Variants in ANK3 observed in about 807,000 individuals in gnomAD.
The protein encoded by ANK3 is ankyrin 3, also known as ankyrin-3.
ANK3 carries 57 observed loss-of-function variants against 370.9 expected under a neutral mutation model. That is an observed-to-expected ratio of 0.15 (90% CI 0.12 to 0.19). The LOEUF (loss-of-function observed/expected upper bound fraction) is 0.19, where lower values mean the gene tolerates loss of function less well. ANK3 is among the 10% of genes least tolerant of loss of function. ANK3 has a pLI of 1.00. For missense variants in ANK3, 4,439 were observed against 5,302.1 expected (o/e 0.84, Z 5.06); for synonymous variants, 1,929 against 1,946.3 (o/e 0.99, Z 0.23).
At chr10:60,513,760 T>C (rs2076147442) in intron 2 of ANK3, among the ~76,000 whole-genome samples, 1 of 152,166 alleles carries the variant, frequency 6.6e-6, no homozygotes, top group Non-Finnish European at 1.5e-5. Context: ...TTAACAGACA[T>C]TCTTATGCAT....
intron 18 of ANK3, among the ~76,000 whole-genome samples, chr10:60,179,387 C>A (rs10821694): frequency 6.6e-6 from 1 of 152,044 alleles, no homozygotes; most frequent in Non-Finnish European, 1.5e-5. Context: ...TGCCAGATAT[C>A]ATACGGGGTA....
At position 60,565,081 on chromosome 10, in the gene ANK3, T is replaced by C. The variant is rs559360559; in HGVS notation, c.96+50105A>G. Among the ~76,000 whole-genome samples the C allele has an allele frequency of 2.0e-5, 3 of 152,172 alleles. No individual in the cohort carries two copies. The East Asian group carries it at 5.8e-4, about 29-fold the overall frequency. On this transcript the variant is annotated intron_variant, in intron 2 of 43. Transcript: ENST00000373827. Reference sequence around the variant, plus strand: ...GGCCATGGTCCAATGGAACATATAGTCCTACGAGATAAATGATGGTACAAA... The same window carrying C: ...GGCCATGGTCCAATGGAACATATAGCCCTACGAGATAAATGATGGTACAAA...
intron 2 of ANK3, among the ~76,000 whole-genome samples, chr10:60,482,701 G>C (rs901079148): frequency 1.3e-5 from 2 of 152,072 alleles, no homozygotes; most frequent in African/African-American, 4.8e-5. Context: ...TACCCAGACT[G>C]GTCTTGAACT....
chr10:60,435,403 T>C (rs895845766), intron 2 of ANK3, among the ~76,000 whole-genome samples: 2 of 152,326 alleles, frequency 1.3e-5, no homozygotes, highest in African/African-American at 4.8e-5. Flanking sequence ...CAGCACATTT[T>C]CTTTTCTTAG....
intron 25 of ANK3, among the ~76,000 whole-genome samples, chr10:60,130,302 G>T (rs2093992143): frequency 6.6e-6 from 1 of 152,120 alleles, no homozygotes; most frequent in Admixed American, 6.5e-5. Context: ...ATCACCCTGG[G>T]TCTCAACTAC....
At chr10:60,111,356 C>T (rs2092695124) in intron 26 of ANK3, among the ~76,000 whole-genome samples, 1 of 152,106 alleles carries the variant, frequency 6.6e-6, no homozygotes, top group Non-Finnish European at 1.5e-5. Context: ...TTCTCAACTT[C>T]ATAGAGTCAA....
intron 8 of ANK3, among the ~76,000 whole-genome samples, chr10:60,215,100 C>G (rs572525335): frequency 2.0e-5 from 3 of 152,254 alleles, no homozygotes; most frequent in Admixed American, 6.5e-5. Flanking sequence ...ATTTGCATTT[C>G]TCTGATGATC....
intron 7 of ANK3, among the ~76,000 whole-genome samples, chr10:60,240,306 A>ATATATATATATATTTT (rs11282162): frequency 6.7e-5 from 8 of 119,770 alleles, no homozygotes; most frequent in Admixed American, 1.8e-4. Context: ...ATATATATAT[A>ATATATATATATATTTT]TTTTTTTTTC....
intron 8 of ANK3, among the ~76,000 whole-genome samples, chr10:60,223,893 C>T (rs1039541375): frequency 2.7e-4 from 40 of 150,634 alleles, no homozygotes; most frequent in Admixed American, 5.9e-4. Context: ...CTGTGCTTTG[C>T]AATGTAGCAG....
intron 2 of ANK3, among the ~76,000 whole-genome samples, chr10:60,429,744 C>G (rs2063971721): frequency 6.6e-6 from 1 of 152,196 alleles, no homozygotes; most frequent in Admixed American, 6.5e-5. Context: ...GTCCTACTTT[C>G]ATCACACGAG....
intron 2 of ANK3, among the ~76,000 whole-genome samples, chr10:60,415,910 A>T (rs2063652034): frequency 9.5e-6 from 1 of 105,384 alleles, no homozygotes; most frequent in Non-Finnish European, 2.0e-5. Flanking sequence ...TATGGTCTGA[A>T]TTTGTGCCCC....
At chr10:60,591,677 T>G (rs1341108003) in intron 2 of ANK3, among the ~76,000 whole-genome samples, 1 of 152,150 alleles carries the variant, frequency 6.6e-6, no homozygotes, top group Non-Finnish European at 1.5e-5. Flanking sequence ...GCAACCTAAG[T>G]ATCCATCAAC....
intron 1 of ANK3, among the ~76,000 whole-genome samples, chr10:60,315,023 C>A (rs910080017): frequency 6.6e-6 from 1 of 152,188 alleles, no homozygotes; most frequent in Non-Finnish European, 1.5e-5. Flanking sequence ...TGATATCTTT[C>A]ACTTTCTCAT....
intron 2 of ANK3, among the ~76,000 whole-genome samples, chr10:60,526,768 T>C (rs1322258256): frequency 6.6e-6 from 1 of 152,042 alleles, no homozygotes; most frequent in Middle Eastern, 3.2e-3. Flanking sequence ...AATAAAAAAA[T>C]GTAGGTTGAT....
At chr10:60,656,761 C>CT (rs1298893015) in intron 1 of ANK3, among the ~76,000 whole-genome samples, 5 of 149,536 alleles carry the variant, frequency 3.3e-5, no homozygotes, top group African/African-American at 7.3e-5. Context: ...TATCTAATTT[C>CT]TTTTTTTTTT....
chr10:60,445,425 A>G (rs745710879), intron 2 of ANK3, among the ~76,000 whole-genome samples: 21 of 152,112 alleles, frequency 1.4e-4, no homozygotes, highest in Admixed American at 2.6e-4. Context: ...ACAAACAAAC[A>G]AAAGCTCTTA....
intron 2 of ANK3, among the ~76,000 whole-genome samples, chr10:60,598,213 C>T (rs924184635): frequency 3.9e-5 from 6 of 152,296 alleles, no homozygotes; most frequent in Admixed American, 6.5e-5. Context: ...TGCAGTTACA[C>T]CTGCCCTAAT....
intron 23 of ANK3, among the ~76,000 whole-genome samples, chr10:60,160,695 T>C (rs1162586838): frequency 6.6e-6 from 1 of 152,062 alleles, no homozygotes; most frequent in East Asian, 1.9e-4. Flanking sequence ...AGAAAGATCA[T>C]TCAACATGAT....
intron 5 of ANK3, among the ~76,000 whole-genome samples, chr10:60,267,222 CA>C (rs1468836779): frequency 1.3e-5 from 2 of 152,086 alleles, no homozygotes; most frequent in Admixed American, 1.3e-4. Context: ...TCTGTAAATA[CA>C]GACTTCTCTA....
Sources: allele counts gnomAD v4.1 joint callset (sites outside exome capture counted in the v4.1 genomes callset), GRCh38; gene constraint gnomAD v4.1.1; transcripts MANE v1.5; gene names NCBI Gene and HGNC (gene_info 2026-07-23, HGNC 2026-07-21).